CASZ1: variants seen among roughly 807,000 people sequenced by gnomAD.
CASZ1 encodes the protein castor zinc finger 1.
CASZ1 carries 28 observed loss-of-function variants against 135.2 expected under a neutral mutation model. The ratio of observed to expected loss-of-function variants is 0.21; its 90% CI spans 0.15 to 0.28. The LOEUF (loss-of-function observed/expected upper bound fraction) is 0.28. CASZ1 is among the 10% of genes least tolerant of loss of function. The pLI is 1.00. For synonymous variants in CASZ1, 1,068 were observed against 1,073.4 expected (o/e 0.99, Z 0.10); for missense variants, 2,161 against 2,453.3 (o/e 0.88, Z 2.52).
At chr1:10,664,230 G>A (rs980731568) in intron 5 of CASZ1, among the ~76,000 whole-genome samples, 4 of 152,138 alleles carry the variant, frequency 2.6e-5, no homozygotes, top group Non-Finnish European at 5.9e-5. Context: ...GAGCGGGCAG[G>A]GGAGGCGCAG....
chr1:10,656,558 C>CA, intron 8 of CASZ1, 88 bp downstream of exon 8: 2 of 995,868 alleles, frequency 2.0e-6, no homozygotes, highest in Middle Eastern at 2.3e-4. Context: ...ACTAACCCCC[C>CA]CCACTGCCGT....
At chr1:10,642,824 C>T in intron 20 of CASZ1, 35 bp downstream of exon 20, 1 of 1,605,362 alleles carries the variant, frequency 6.2e-7, no homozygotes, top group South Asian at 1.1e-5. Flanking sequence ...GGGAGTGGGG[C>T]CTGGCCCTGC....
chr1:10,733,196 T>C (rs1639733893), intron 2 of CASZ1, among the ~76,000 whole-genome samples: 1 of 152,142 alleles, frequency 6.6e-6, no homozygotes, highest in Admixed American at 6.5e-5. Context: ...GGGGACTAGA[T>C]GTGAAAGACA....
At chr1:10,729,457 G>A (rs879810618) in intron 2 of CASZ1, among the ~76,000 whole-genome samples, 2 of 150,482 alleles carry the variant, frequency 1.3e-5, no homozygotes, top group Middle Eastern at 3.4e-3. Context: ...CATCTGTCCC[G>A]GACAGTCCAG....
rs1203323057 is a variant in CASZ1, at chr1:10,653,620, G to A, written c.2437C>T (p.Leu813=). Residue 813 remains leucine, a synonymous_variant, in exon 11 of 21, where the codon CTG becomes TTG. Coordinates refer to ENST00000377022, the MANE Select transcript of CASZ1 (RefSeq NM_001079843.3). The stretch of plus-strand genomic sequence containing the variant: ...AGGAGGCTGGGGGTGCCCACAGGCA[G>A]GGAGGTGCTCCCACGGCCAGCCAGT... ...PILAGRGSTS[L]PVGTPSLLGA... The A allele has an allele frequency of 1.5e-5, 23 of 1,551,100 alleles. No individual in the cohort carries two copies. Among genetic ancestry groups the A allele is most frequent in the Non-Finnish European group, 2.0e-5 (23 of 1,147,866 alleles).
At chr1:10,736,443 G>A (rs1016468926) in intron 2 of CASZ1, among the ~76,000 whole-genome samples, 4 of 152,200 alleles carry the variant, frequency 2.6e-5, no homozygotes, top group East Asian at 1.9e-4. Context: ...TTCTGATCCC[G>A]TGAGTCTGGA....
chr1:10,640,061 T>A lies in CASZ1; in HGVS notation c.4163-2A>T, dbSNP rs1436825412. On this transcript the variant is annotated splice_acceptor_variant, in intron 20 of 20. Transcript: ENST00000377022. LOFTEE classifies it high-confidence loss of function. The stretch of plus-strand genomic sequence containing the variant: ...CTGTCGGCATAGAGATGGTGTTCCC[T>A]GGGGAGGGGCAGGGAGGTCAGTGCA... 6.2e-7 allele frequency: 1 copy of A among 1,602,500 alleles called. No individual in the cohort carries two copies. Among genetic ancestry groups the A allele is most frequent in the African/African-American group, 1.3e-5 (1 of 74,868 alleles).
intron 1 of CASZ1, among the ~76,000 whole-genome samples, chr1:10,764,069 G>C (rs930101813): frequency 6.6e-5 from 10 of 152,198 alleles, no homozygotes; most frequent in African/African-American, 2.4e-4. Context: ...TACCAGATTA[G>C]CCAGACTGGT....
Position 10,655,823 on chromosome 1 carries a change from G to T in CASZ1, c.1501-10C>A, listed in dbSNP as rs1642770097. 9 of 1,611,986 alleles carry T rather than the reference G, an allele frequency of 5.6e-6. No homozygotes were observed. The highest frequency in any genetic ancestry group is 7.6e-6 in the Non-Finnish European group (9 of 1,178,384). ...GCTTACTCGTGAACCTCTGCCAGGA[G>T]ACAGCGCCACGTGGGCAGGAGCCTG... On this transcript the variant is annotated splice_polypyrimidine_tract_variant and intron_variant, in intron 8 of 20. Coordinates refer to ENST00000377022, the MANE Select transcript of CASZ1 (RefSeq NM_001079843.3).
chr1:10,639,249 C>A lies in CASZ1; in HGVS notation c.4973G>T (p.Gly1658Val). 2 of 944,890 alleles carry A rather than the reference C, an allele frequency of 2.1e-6. No individual in the cohort carries two copies. The highest frequency in any genetic ancestry group is 5.4e-4 in the Middle Eastern group (1 of 1,858). The allele number at this position is 944,890 out of a possible 1,614,324, so 58.5% of individuals were successfully genotyped here. Residue 1658 changes from glycine (G) to valine (V), a missense_variant, in exon 21 of 21, where the codon GGG (glycine) becomes GTG (valine). This residue lies in a region of CASZ1 where 185 missense variants were observed against 134.7 expected (regional missense o/e 1.37). Coordinates refer to ENST00000377022, the MANE Select transcript of CASZ1 (RefSeq NM_001079843.3). The surrounding 1 kb of genome is among the most constrained non-coding windows in gnomAD (Gnocchi z 4.0). ...GGCGGCGGCGGCGCCCTCGCGCGGCCCGGGGGCGGCGGCGTCGGGCGGGCC... is the reference window on the plus strand; with the variant it reads ...GGCGGCGGCGGCGCCCTCGCGCGGCACGGGGGCGGCGGCGTCGGGCGGGCC... Reference protein sequence around the residue: ...DPGPPDAAAPGPREGAAAAAA... With the variant: ...DPGPPDAAAPVPREGAAAAAA...
At chr1:10,678,058 G>A (rs1458426107) in intron 4 of CASZ1, among the ~76,000 whole-genome samples, 1 of 152,204 alleles carries the variant, frequency 6.6e-6, no homozygotes, top group South Asian at 2.1e-4. Flanking sequence ...GTGTGTTGAT[G>A]GGGAGACAGG....
Position 10,650,760 on chromosome 1 carries a change from A to G in CASZ1, c.2817-5T>C. On this transcript the variant is annotated splice_polypyrimidine_tract_variant and splice_region_variant and intron_variant, in intron 12 of 20. Coordinates refer to ENST00000377022, the MANE Select transcript of CASZ1 (RefSeq NM_001079843.3). ...GCGTGGCCATTTGATTCGTTGCTAG[A>G]ACACACAAACCAAGGGACTTGAGCT... 2.5e-6 allele frequency: 4 copies of G among 1,613,566 alleles called. No individual in the cohort carries two copies. The highest frequency in any genetic ancestry group is 3.4e-6 in the Non-Finnish European group (4 of 1,179,766).
chr1:10,740,960 CAAAAAAAA>C (rs374464130), intron 2 of CASZ1, among the ~76,000 whole-genome samples: 3 of 61,462 alleles, frequency 4.9e-5, no homozygotes, highest in Non-Finnish European at 8.6e-5. Context: ...CCTGTCTGGA[CAAAAAAAA>C]AAAAAAAAAG....
chr1:10,645,082 C>T lies in CASZ1; in HGVS notation c.3703G>A (p.Glu1235Lys), dbSNP rs1383045811. The T allele has an allele frequency of 5.0e-6, 8 of 1,613,548 alleles. No individual in the cohort carries two copies. Among genetic ancestry groups the T allele is most frequent in the South Asian group, 1.1e-5 (1 of 91,054 alleles). ...LQCLCPNQHCEFRMRGHYHCL... is the reference protein window; with the variant it reads ...LQCLCPNQHCKFRMRGHYHCL... ...TGGTAGTGCCCACGCATTCGGAACTCGCAGTGCTGCAGGGAGACACGGGAG... is the reference window on the plus strand; with the variant it reads ...TGGTAGTGCCCACGCATTCGGAACTTGCAGTGCTGCAGGGAGACACGGGAG... The change falls in exon 18 of 21, where the codon GAG becomes AAG. Residue 1235 changes from glutamate to lysine, a missense_variant. Physicochemically the swap from Glu to Lys is moderately conservative, Grantham distance 56 (BLOSUM62 1). Around this residue, in one of 7 missense-constraint regions of CASZ1, gnomAD observed 349 missense variants for 460.8 expected, o/e 0.76. Coordinates refer to ENST00000377022, the MANE Select transcript of CASZ1 (RefSeq NM_001079843.3).
At chr1:10,686,038 A>G (rs1013858660) in intron 4 of CASZ1, among the ~76,000 whole-genome samples, 3 of 152,150 alleles carry the variant, frequency 2.0e-5, no homozygotes, top group Admixed American at 6.5e-5. Flanking sequence ...CCTGAGGTAG[A>G]CCATGCTGCT....
At chr1:10,789,513 G>A (rs982423976) in intron 1 of CASZ1, among the ~76,000 whole-genome samples, 1 of 151,752 alleles carries the variant, frequency 6.6e-6, no homozygotes, top group Non-Finnish European at 1.5e-5. Flanking sequence ...CCGAAGGAGC[G>A]ACACGTCCCT....
In CASZ1 at chr1:10,699,219, G is replaced by A. The variant is rs887733722; in HGVS notation, c.-23-5307C>T. On this transcript the variant is annotated intron_variant, in intron 3 of 20. Coordinates refer to ENST00000377022, the MANE Select transcript of CASZ1 (RefSeq NM_001079843.3). The surrounding 1 kb of genome is among the most constrained non-coding windows in gnomAD (Gnocchi z 4.6). ...TCCCTGCACTTCCAGCTCATCCTCC[G>A]TTCTCCTTCCCCTCTCCTGGGAAGT... Among the ~76,000 whole-genome samples the A allele has an allele frequency of 1.4e-4, 21 of 152,182 alleles. No individual in the cohort carries two copies. The highest frequency in any genetic ancestry group is 2.0e-4 in the Admixed American group (3 of 15,288).
In CASZ1 at chr1:10,794,837, G is replaced by C. The variant is rs982909930; in HGVS notation, c.-234+1727C>G. 6.6e-6 allele frequency among the ~76,000 whole-genome samples: 1 copy of C among 151,878 alleles called. No homozygotes were observed. The highest frequency in any genetic ancestry group is 1.5e-5 in the Non-Finnish European group (1 of 67,940). ...TTCCCTTCGCGGAGGAGCTTCCAGC[G>C]CCGGGGACAGACATTCGCCCAAACG... On this transcript the variant is annotated intron_variant, in intron 1 of 20. Coordinates refer to ENST00000377022, the MANE Select transcript of CASZ1 (RefSeq NM_001079843.3). The surrounding 1 kb of genome is among the most constrained non-coding windows in gnomAD (Gnocchi z 5.6).
At position 10,648,112 on chromosome 1, in the gene CASZ1, T is replaced by C. The variant is rs1240439006; in HGVS notation, c.3186A>G (p.Ala1062=). Reference sequence around the variant, plus strand: ...AGGCAGCCTCTGTGTTTCCTTTTGCTGCTCCTCCCTCTGTCCGGAAGTGGA... The same window carrying C: ...AGGCAGCCTCTGTGTTTCCTTTTGCCGCTCCTCCCTCTGTCCGGAAGTGGA... ...ANFHFRTEGG[A]AKGNTEAAFP... is the part of the protein sequence containing the mutation. The change falls in exon 16 of 21, where the codon GCA becomes GCG. Residue 1062 remains alanine, a synonymous_variant. Transcript: ENST00000377022. The C allele has an allele frequency of 6.5e-7, 1 of 1,544,906 alleles. No individual in the cohort carries two copies. Among genetic ancestry groups the C allele is most frequent in the Non-Finnish European group, 8.7e-7 (1 of 1,146,288 alleles).
Sources: gnomAD v4.1 joint callset for allele counts (sites outside exome capture counted in the v4.1 genomes callset) on GRCh38, gnomAD v4.1.1 for gene constraint, gnomAD v4.1.1 regional missense constraint, Gnocchi (gnomAD v3.1) non-coding constraint, MANE v1.5 for transcripts, NCBI Gene and HGNC (gene_info 2026-07-23, HGNC 2026-07-21) for gene names.